The following INO80 variants were observed in gnomAD, a reference collection of about 807,000 sequenced individuals.
INO80 encodes the protein chromatin-remodeling ATPase INO80.
INO80 carries 20 observed loss-of-function variants against 203.4 expected under a neutral mutation model. The observed-to-expected ratio is 0.10, with a 90% CI of 0.07 to 0.14. INO80 has a LOEUF of 0.14. Among genes scored for constraint, INO80 ranks in the 10% least tolerant of loss-of-function variants. The pLI, the probability that INO80 is intolerant of heterozygous loss-of-function variation, is 1.00. For synonymous variants in INO80, 726 were observed against 685.2 expected, an observed-to-expected ratio of 1.06 and a Z score of -0.93; for missense variants, 1,419 against 1,914.4, an observed-to-expected ratio of 0.74 and a Z score of 4.83.
intron 1 of INO80, among the ~76,000 whole-genome samples, chr15:41,111,508 A>C (rs2045958308): frequency 6.6e-6 from 1 of 152,008 alleles, no homozygotes; most frequent in Non-Finnish European, 1.5e-5. Context: ...CTTATTCACT[A>C]AGAAGTTTCA....
chr15:40,997,420 G>T, intron 29 of INO80, 109 bp downstream of exon 29: 1 of 729,426 alleles, frequency 1.4e-6, no homozygotes, highest in South Asian at 1.6e-5. Flanking sequence ...GCAAGTTTGT[G>T]ACACAAAAGC....
intron 35 of INO80, among the ~76,000 whole-genome samples, chr15:40,981,335 T>A (rs1275949137): frequency 6.6e-6 from 1 of 152,176 alleles, no homozygotes; most frequent in Admixed American, 6.5e-5. Context: ...GAAACCCTGA[T>A]GAGTATATGC....
At chr15:41,104,556 A>T (rs1596330404) in intron 1 of INO80, among the ~76,000 whole-genome samples, 1 of 151,602 alleles carries the variant, frequency 6.6e-6, no homozygotes, top group East Asian at 1.9e-4. Flanking sequence ...TCTTTTTTTT[A>T]AAGGGGAGTC....
At position 41,074,567 on chromosome 15, in the gene INO80, T is replaced by TA. The variant is rs752282715; in HGVS notation, c.1132-3dup. The TA allele has an allele frequency of 1.3e-6, 2 of 1,593,994 alleles. No homozygotes were observed. The highest frequency in any genetic ancestry group is 2.3e-5 in the South Asian group (2 of 87,986). On this transcript the variant is annotated splice_region_variant and splice_polypyrimidine_tract_variant and intron_variant, in intron 9 of 35. Coordinates refer to ENST00000648947, the MANE Select transcript of INO80 (RefSeq NM_017553.3). ...GAGTTTTCGCTGTTGCCTCTTGGCCTAAAGAGGGAAAAAAGTGAAAACAGA... is the reference window on the plus strand; with the variant it reads ...GAGTTTTCGCTGTTGCCTCTTGGCCTAAAAGAGGGAAAAAAGTGAAAACAGA...
At chr15:41,062,841 A>G (rs1054924024) in intron 14 of INO80, among the ~76,000 whole-genome samples, 2 of 152,218 alleles carry the variant, frequency 1.3e-5, no homozygotes, top group African/African-American at 4.8e-5. Flanking sequence ...ACTATAACAA[A>G]TAAATCTCTT....
chr15:41,078,798 C>A (rs1447671320), intron 9 of INO80, among the ~76,000 whole-genome samples: 1 of 152,166 alleles, frequency 6.6e-6, no homozygotes, highest in Non-Finnish European at 1.5e-5. Context: ...ATATACACAG[C>A]CTACATCAGC....
chr15:41,013,988 G>A (rs1198179250), intron 27 of INO80, among the ~76,000 whole-genome samples: 7 of 152,182 alleles, frequency 4.6e-5, no homozygotes, highest in Non-Finnish European at 1.0e-4. Context: ...ATTATAGATA[G>A]AGAGGAAGTG....
Position 41,102,157 on chromosome 15 carries a change from C to T in INO80, c.-43-5804G>A, listed in dbSNP as rs1023600454. Among the ~76,000 whole-genome samples the T allele has an allele frequency of 5.9e-5, 9 of 151,296 alleles. 1 individual carries two copies. The Middle Eastern group carries it at 0.014, about 233-fold the overall frequency. On this transcript the variant is annotated intron_variant, in intron 1 of 35. Coordinates refer to ENST00000648947, the MANE Select transcript of INO80 (RefSeq NM_017553.3). The stretch of plus-strand genomic sequence containing the variant: ...AGTGAGCCAAGACTGTGCCACTGAA[C>T]TCCAGCCTGGGCAACAAAGCAAGAC...
At chr15:41,082,711 CA>C (rs1270745740) in intron 7 of INO80, among the ~76,000 whole-genome samples, 2 of 150,128 alleles carry the variant, frequency 1.3e-5, no homozygotes, top group South Asian at 2.1e-4. Context: ...TCTCAAAAAA[CA>C]AAAAAAAATT....
intron 21 of INO80, 118 bp from the exon 22 acceptor site, chr15:41,048,394 G>C (rs1335129798): frequency 1.5e-5 from 11 of 713,716 alleles, no homozygotes; most frequent in Middle Eastern, 2.7e-4. Context: ...TCACTTTTAA[G>C]AAGTTTCTTG....
In INO80 at chr15:41,081,003, C is replaced by G. The variant is rs759599414; in HGVS notation, c.927+17G>C. On this transcript the variant is annotated intron_variant, in intron 8 of 35. Transcript: ENST00000648947. ...CCAGCAAAACATGAAATGGAAAATACAAAACTACAATTTTACCTTTCGGCT... is the reference window on the plus strand; with the variant it reads ...CCAGCAAAACATGAAATGGAAAATAGAAAACTACAATTTTACCTTTCGGCT... 4 of 1,555,548 alleles carry G rather than the reference C, an allele frequency of 2.6e-6. No individual in the cohort carries two copies. Among genetic ancestry groups the G allele is most frequent in the African/African-American group, 2.7e-5 (2 of 73,586 alleles).
At chr15:41,095,725 G>A (rs764861109) in intron 3 of INO80, 34 bp downstream of exon 3, 9 of 1,610,854 alleles carry the variant, frequency 5.6e-6, no homozygotes, top group East Asian at 4.5e-5. Context: ...CCAAGATAAC[G>A]ATAGTCCAAA....
intron 12 of INO80, among the ~76,000 whole-genome samples, chr15:41,071,146 G>T (rs1199847908): frequency 6.6e-6 from 1 of 152,222 alleles, no homozygotes; most frequent in Admixed American, 6.5e-5. Context: ...TTCAGCCTGG[G>T]TGACAGAGTA....
chr15:41,014,521 T>C (rs2044175836), intron 27 of INO80, among the ~76,000 whole-genome samples: 1 of 152,198 alleles, frequency 6.6e-6, no homozygotes, highest in African/African-American at 2.4e-5. Context: ...ACATAGTTAA[T>C]ATATACATCA....
Position 41,074,581 on chromosome 15 carries a change from A to C in INO80, c.1132-16T>G. 1 of 1,572,056 alleles carries C rather than the reference A, an allele frequency of 6.4e-7. No homozygotes were observed. On this transcript the variant is annotated splice_polypyrimidine_tract_variant and intron_variant, in intron 9 of 35. Transcript: ENST00000648947. ...GCCTCTTGGCCTAAAGAGGGAAAAA[A>C]GTGAAAACAGAGCCAAATTATCAAT...
intron 25 of INO80, among the ~76,000 whole-genome samples, chr15:41,025,264 T>A (rs992644964): frequency 6.6e-6 from 1 of 152,198 alleles, no homozygotes; most frequent in Non-Finnish European, 1.5e-5. Flanking sequence ...TGAAGTAGTA[T>A]AGATGGGGCA....
chr15:41,093,061 C>G (rs1170857718), intron 4 of INO80, among the ~76,000 whole-genome samples: 1 of 152,008 alleles, frequency 6.6e-6, no homozygotes, highest in Non-Finnish European at 1.5e-5. Context: ...AACAAAAATT[C>G]CAGAAGAGGC....
intron 14 of INO80, 179 bp downstream of exon 14, chr15:41,069,391 C>T (rs1285220281): frequency 1.7e-5 from 8 of 462,474 alleles, no homozygotes; most frequent in African/African-American, 6.2e-5. Context: ...AGGATGATCT[C>T]GACTTCCTGA....
At chr15:41,069,501 G>C in intron 14 of INO80, 69 bp downstream of exon 14, 2 of 906,330 alleles carry the variant, frequency 2.2e-6, no homozygotes, top group Non-Finnish European at 3.4e-6. Flanking sequence ...TAATTAGTAG[G>C]GCAAGAAAAG....
Sources: allele counts gnomAD v4.1 joint callset (sites outside exome capture counted in the v4.1 genomes callset), GRCh38; gene constraint gnomAD v4.1.1; transcripts MANE v1.5; gene names NCBI Gene and HGNC (gene_info 2026-07-23, HGNC 2026-07-21).